ADGRF5: variants seen among roughly 807,000 people sequenced by gnomAD.
The protein encoded by ADGRF5 is G-protein coupled receptor 116.
A neutral mutation model predicts 132.3 loss-of-function variants in ADGRF5; 75 were observed. The observed-to-expected ratio is 0.57, with a 90% confidence interval of 0.47 to 0.69. The LOEUF (loss-of-function observed/expected upper bound fraction) is 0.69, where lower values mean the gene tolerates loss of function less well. Among genes scored for constraint, ADGRF5 ranks in the 30% least tolerant of loss-of-function variants. ADGRF5 has a pLI of 0.00. For missense variants in ADGRF5, 1,516 were observed against 1,630.6 expected, an observed-to-expected ratio of 0.93 and a Z score of 1.21; for synonymous variants, 629 against 597.6, an observed-to-expected ratio of 1.05 and a Z score of -0.77.
intron 17 of ADGRF5, among the ~76,000 whole-genome samples, chr6:46,857,857 G>A (rs773787912): frequency 1.3e-5 from 2 of 152,142 alleles, no homozygotes; most frequent in Non-Finnish European, 2.9e-5. Context: ...AGACAAATGG[G>A]GATTTTCCTT....
Position 46,866,975 on chromosome 6 carries a change from T to C in ADGRF5, c.1784A>G (p.Asp595Gly). Residue 595 changes from aspartate to glycine, a missense_variant, in exon 13 of 21, where the codon GAT (aspartate) becomes GGT (glycine). By Grantham distance (94) the Asp-to-Gly change is moderately conservative. Around this residue, in one of 2 missense-constraint regions of ADGRF5, gnomAD observed 945 missense variants for 929.4 expected, o/e 1.02. Coordinates refer to ENST00000283296, the MANE Select transcript of ADGRF5 (RefSeq NM_001098518.2). ...SHHIKCCIEE[D>G]GDYKVTFHTG... ...ATGGAAAGTAACTTTGTAGTCTCCA[T>C]CCTCCTCTATGCAGCACTTGATGTG... 2 of 1,613,814 alleles carry C rather than the reference T, an allele frequency of 1.2e-6. No individual in the cohort carries two copies. The highest frequency in any genetic ancestry group is 1.7e-6 in the Non-Finnish European group (2 of 1,179,740).
chr6:46,864,978 G>A, intron 14 of ADGRF5, 64 bp downstream of exon 14: 3 of 1,075,440 alleles, frequency 2.8e-6, no homozygotes, highest in Non-Finnish European at 4.2e-6. Context: ...GAATGAGGGA[G>A]TGAATAAATA....
chr6:46,909,904 G>A (rs1775766469), intron 1 of ADGRF5, among the ~76,000 whole-genome samples: 1 of 152,056 alleles, frequency 6.6e-6, no homozygotes, highest in Non-Finnish European at 1.5e-5. Flanking sequence ...GGGGGCTGAG[G>A]TGGGGAGATG....
At chr6:46,878,112 A>G in intron 10 of ADGRF5, 90 bp downstream of exon 10, 1 of 822,910 alleles carries the variant, frequency 1.2e-6, no homozygotes, top group East Asian at 2.5e-5. Context: ...CAGCCATCTG[A>G]CATTTCCCCT....
intron 4 of ADGRF5, among the ~76,000 whole-genome samples, chr6:46,885,327 A>T (rs554610160): frequency 1.1e-4 from 16 of 152,228 alleles, no homozygotes; most frequent in Admixed American, 9.2e-4. Flanking sequence ...CTTACAAGAG[A>T]CCCTGAGCCA....
At chr6:46,940,862 C>T (rs1334126053) in intron 1 of ADGRF5, among the ~76,000 whole-genome samples, 1 of 152,140 alleles carries the variant, frequency 6.6e-6, no homozygotes, top group Non-Finnish European at 1.5e-5. Flanking sequence ...GGAGCACTTA[C>T]AGCAAAGAAG....
Position 46,884,633 on chromosome 6 carries a change from T to C in ADGRF5, c.329-362A>G, listed in dbSNP as rs940164191. 5.3e-5 allele frequency among the ~76,000 whole-genome samples: 8 copies of C among 152,228 alleles called. No homozygotes were observed. In the East Asian group the frequency reaches 1.2e-3, roughly 22 times the overall value. ...ACCACTAGGTATTCAAACCCTTTTG[T>C]ACTACCTTCTTATATTGTACTAGGA... On this transcript the variant is annotated intron_variant, in intron 4 of 20. Coordinates refer to ENST00000283296, the MANE Select transcript of ADGRF5 (RefSeq NM_001098518.2).
chr6:46,919,001 A>C (rs566663080), intron 1 of ADGRF5, among the ~76,000 whole-genome samples: 1 of 151,664 alleles, frequency 6.6e-6, no homozygotes, highest in Non-Finnish European at 1.5e-5. Flanking sequence ...CCTCAGAGAT[A>C]GTGATTCAGT....
At chr6:46,888,647 C>A in intron 3 of ADGRF5, 142 bp from the exon 4 acceptor site, 2 of 637,254 alleles carry the variant, frequency 3.1e-6, no homozygotes, top group Non-Finnish European at 5.6e-6. Flanking sequence ...CTAATGAAAT[C>A]TTTAGAGAAA....
chr6:46,882,596 T>C (rs1772602212), intron 6 of ADGRF5, among the ~76,000 whole-genome samples: 2 of 152,144 alleles, frequency 1.3e-5, no homozygotes, highest in African/African-American at 2.4e-5. Context: ...TGACCTGTAG[T>C]TGGAGGTTTG....
chr6:46,878,181 G>T, intron 10 of ADGRF5, 21 bp downstream of exon 10: 1 of 1,541,336 alleles, frequency 6.5e-7, no homozygotes, highest in Non-Finnish European at 9.0e-7. Context: ...ATTTGCAAAA[G>T]GGCTTATCTA....
chr6:46,864,391 C>A (rs1195403924), intron 14 of ADGRF5, among the ~76,000 whole-genome samples: 1 of 152,180 alleles, frequency 6.6e-6, no homozygotes, highest in Non-Finnish European at 1.5e-5. Flanking sequence ...AGTGTGGACA[C>A]CTTTCATTTG....
intron 1 of ADGRF5, among the ~76,000 whole-genome samples, chr6:46,941,423 AAAGAAAAGAAAAGAAAAG>A (rs1778062801): frequency 1.7e-5 from 1 of 57,452 alleles, no homozygotes; most frequent in Non-Finnish European, 3.6e-5. Context: ...AAAGAAAAGA[AAAGAAAAGAAAAGAAAAG>A]AAAAGAAAAG....
At chr6:46,877,432 T>C (rs529514059) in intron 10 of ADGRF5, among the ~76,000 whole-genome samples, 1 of 151,202 alleles carries the variant, frequency 6.6e-6, no homozygotes, top group Non-Finnish European at 1.5e-5. Context: ...AGTCATATAA[T>C]CTGAACCTCA....
At chr6:46,878,134 C>T (rs1772018014) in intron 10 of ADGRF5, 68 bp downstream of exon 10, 11 of 967,222 alleles carry the variant, frequency 1.1e-5, no homozygotes, top group Non-Finnish European at 1.5e-5. Flanking sequence ...CCATACGCCA[C>T]ATCTCCCATT....
intron 10 of ADGRF5, among the ~76,000 whole-genome samples, chr6:46,873,270 C>T (rs1159258208): frequency 1.3e-5 from 2 of 152,138 alleles, no homozygotes; most frequent in Admixed American, 6.5e-5. Context: ...TTCTTCCTCT[C>T]TTCATACCAC....
At chr6:46,905,093 G>A (rs1435515514) in intron 2 of ADGRF5, among the ~76,000 whole-genome samples, 6 of 152,176 alleles carry the variant, frequency 3.9e-5, no homozygotes, top group Non-Finnish European at 1.5e-5. Context: ...AGGCATTGCT[G>A]CAGCCAGGAG....
intron 10 of ADGRF5, among the ~76,000 whole-genome samples, chr6:46,872,907 AATG>A (rs1370907041): frequency 6.6e-6 from 1 of 152,166 alleles, no homozygotes; most frequent in East Asian, 1.9e-4. Context: ...GTGGCTGATC[AATG>A]ATATTTGACA....
chr6:46,862,926 T>C lies in ADGRF5; in HGVS notation c.2161A>G (p.Ile721Val). The change falls in exon 15 of 21, where the codon ATC (isoleucine) becomes GTC (valine). Residue 721 changes from isoleucine (I) to valine (V), a missense_variant. Coordinates refer to ENST00000283296, the MANE Select transcript of ADGRF5 (RefSeq NM_001098518.2). Reference sequence around the variant, plus strand: ...AGCAGACTGTTTATTGGGGCAGAGATGCAGTCATTTCTCTTCTCCTCCCAC... The same window carrying C: ...AGCAGACTGTTTATTGGGGCAGAGACGCAGTCATTTCTCTTCTCCTCCCAC... Reference protein sequence around the residue: ...SQWEEKRNDCISAPINSLLQM... With the variant: ...SQWEEKRNDCVSAPINSLLQM... 6.2e-7 allele frequency: 1 copy of C among 1,613,310 alleles called. No homozygotes were observed. The highest frequency in any genetic ancestry group is 8.5e-7 in the Non-Finnish European group (1 of 1,179,670).
Sources: gnomAD v4.1 joint callset for allele counts (sites outside exome capture counted in the v4.1 genomes callset) on GRCh38, gnomAD v4.1.1 for gene constraint, gnomAD v4.1.1 regional missense constraint, MANE v1.5 for transcripts, NCBI Gene and HGNC (gene_info 2026-07-23, HGNC 2026-07-21) for gene names.